CADM2: variants seen among roughly 807,000 people sequenced by gnomAD.
CADM2 encodes cell adhesion molecule 2.
Under a neutral mutation model 49.8 loss-of-function variants are expected in CADM2, and 12 were observed. The observed-to-expected ratio is 0.24, with a 90% CI of 0.15 to 0.39. CADM2 has a LOEUF of 0.39. Among genes scored for constraint, CADM2 ranks in the 10% least tolerant of loss-of-function variants. The pLI is 1.00. For missense variants in CADM2, 378 were observed against 492.3 expected (o/e 0.77, Z 2.20); for synonymous variants, 214 against 175.4 (o/e 1.22, Z -1.74).
At chr3:85,882,025 G>A (rs1712870281) in intron 3 of CADM2, among the ~76,000 whole-genome samples, 1 of 152,132 alleles carries the variant, frequency 6.6e-6, no homozygotes, top group South Asian at 2.1e-4. Flanking sequence ...ACCTCCTGCT[G>A]TGTGACCCAG....
At chr3:85,416,236 T>C (rs1002753103) in intron 1 of CADM2, among the ~76,000 whole-genome samples, 5 of 152,104 alleles carry the variant, frequency 3.3e-5, no homozygotes, top group African/African-American at 1.2e-4. Context: ...GGAGGTAGTC[T>C]ATTTACAGTA....
chr3:85,916,103 G>C (rs1488369623), intron 6 of CADM2, among the ~76,000 whole-genome samples: 3 of 152,044 alleles, frequency 2.0e-5, no homozygotes, highest in African/African-American at 7.2e-5. Flanking sequence ...AAATATATCA[G>C]AGCAATGTTT....
At position 85,744,381 on chromosome 3, in the gene CADM2, C is replaced by T. The variant is rs567603474; in HGVS notation, c.88+17833C>T. On this transcript the variant is annotated intron_variant, in intron 2 of 9. Coordinates refer to ENST00000383699, the MANE Select transcript of CADM2 (RefSeq NM_001167675.2). Reference sequence around the variant, plus strand: ...AAGAGTATACTTGGATTCTTTGTAACACTATGGATAAATGCTTGAGGTGAA... The same window carrying T: ...AAGAGTATACTTGGATTCTTTGTAATACTATGGATAAATGCTTGAGGTGAA... Among the ~76,000 whole-genome samples, 10 of 152,128 alleles carry T rather than the reference C, an allele frequency of 6.6e-5. No homozygotes were observed. In the South Asian group the frequency reaches 2.1e-3, roughly 32 times the overall value.
chr3:85,375,117 C>A (rs1196125157), intron 1 of CADM2, among the ~76,000 whole-genome samples: 1 of 152,164 alleles, frequency 6.6e-6, no homozygotes, highest in Admixed American at 6.5e-5. Flanking sequence ...TTCCTATACA[C>A]TACATAACTA....
At chr3:85,687,078 C>T (rs1219646055) in intron 1 of CADM2, among the ~76,000 whole-genome samples, 3 of 152,072 alleles carry the variant, frequency 2.0e-5, no homozygotes, top group Admixed American at 6.6e-5. Context: ...CTCAGATCTC[C>T]GGGGTTCACA....
intron 1 of CADM2, among the ~76,000 whole-genome samples, chr3:85,157,581 C>T (rs1305685747): frequency 1.3e-5 from 2 of 152,132 alleles, no homozygotes; most frequent in Non-Finnish European, 2.9e-5. Context: ...GAAAAACAAG[C>T]ATTGAGTAAA....
In CADM2 at chr3:85,552,366, G is replaced by GTGTTTTTT. The variant is rs2061828186; in HGVS notation, c.62-174155_62-174154insGTTTTTTT. 4.0e-4 allele frequency among the ~76,000 whole-genome samples: 35 copies of GTGTTTTTT among 87,572 alleles called. 1 individual carries two copies. The highest frequency in any genetic ancestry group is 1.4e-3 in the Admixed American group (10 of 7,096). The allele number at this position is 87,572 out of a possible 152,430, so 57.5% of individuals were successfully genotyped here. ...TAAAATAATTAAATCACTTTGAAAAGTTTTTTTTTTTTTTTTTTTTTTTTT... is the reference window on the plus strand; with the variant it reads ...TAAAATAATTAAATCACTTTGAAAAGTGTTTTTTTTTTTTTTTTTTTTTTTTTTTTTTT... On this transcript the variant is annotated intron_variant, in intron 1 of 9. Transcript: ENST00000383699.
At chr3:85,790,307 A>G (rs530811101) in intron 2 of CADM2, among the ~76,000 whole-genome samples, 2 of 152,204 alleles carry the variant, frequency 1.3e-5, no homozygotes, top group Non-Finnish European at 2.9e-5. Flanking sequence ...AAGTCCTGTC[A>G]TAGACACAGC....
intron 1 of CADM2, among the ~76,000 whole-genome samples, chr3:85,484,678 C>T (rs1252348574): frequency 6.6e-6 from 1 of 151,912 alleles, no homozygotes; most frequent in African/African-American, 2.4e-5. Flanking sequence ...CTTACCGTCA[C>T]AGACCCCAAC....
At chr3:85,570,421 A>G (rs1246917286) in intron 1 of CADM2, among the ~76,000 whole-genome samples, 2 of 152,138 alleles carry the variant, frequency 1.3e-5, no homozygotes, top group African/African-American at 4.8e-5. Context: ...AAAATAATGA[A>G]ACCATTTTTA....
intron 1 of CADM2, among the ~76,000 whole-genome samples, chr3:85,398,454 C>T (rs185952319): frequency 1.5e-4 from 23 of 152,110 alleles, no homozygotes; most frequent in African/African-American, 3.9e-4. Context: ...TGAATAGTGC[C>T]GCAATAAACA....
chr3:84,987,187 C>T (rs1205629282), intron 1 of CADM2, among the ~76,000 whole-genome samples: 1 of 152,006 alleles, frequency 6.6e-6, no homozygotes, highest in Non-Finnish European at 1.5e-5. Context: ...TAGCCTGGCC[C>T]AGGCTGGAGT....
At chr3:85,529,599 A>C (rs1576728730) in intron 1 of CADM2, among the ~76,000 whole-genome samples, 1 of 152,114 alleles carries the variant, frequency 6.6e-6, no homozygotes, top group Non-Finnish European at 1.5e-5. Flanking sequence ...CTCTTCAACG[A>C]TTACTCATTG....
chr3:85,133,262 C>T (rs1021139717), intron 1 of CADM2, among the ~76,000 whole-genome samples: 3 of 152,182 alleles, frequency 2.0e-5, no homozygotes, highest in African/African-American at 7.2e-5. Flanking sequence ...CCACCACTCG[C>T]TCGGGCAGCG....
chr3:85,291,432 A>G (rs1456097752), intron 1 of CADM2, among the ~76,000 whole-genome samples: 3 of 150,164 alleles, frequency 2.0e-5, no homozygotes, highest in African/African-American at 7.6e-5. Context: ...CAGGAAATAC[A>G]GAGAACCCCA....
At chr3:85,904,500 G>A (rs1577618890) in intron 5 of CADM2, among the ~76,000 whole-genome samples, 1 of 152,278 alleles carries the variant, frequency 6.6e-6, no homozygotes, top group East Asian at 1.9e-4. Context: ...GGTTGAATTA[G>A]GGAGAAAGTC....
At chr3:86,014,989 G>A (rs1289568589) in intron 8 of CADM2, 5 of 1,172,138 alleles carry the variant, frequency 4.3e-6, no homozygotes, top group Non-Finnish European at 6.3e-6. Context: ...CAAAGTTCGA[G>A]TAACTTGGCT....
At chr3:85,851,810 A>C (rs185401509) in intron 3 of CADM2, among the ~76,000 whole-genome samples, 1 of 151,998 alleles carries the variant, frequency 6.6e-6, no homozygotes, top group East Asian at 1.9e-4. Context: ...GTATATAAGA[A>C]ATGAAGAAAA....
At chr3:86,045,110 T>C (rs1415652461) in intron 8 of CADM2, among the ~76,000 whole-genome samples, 1 of 151,810 alleles carries the variant, frequency 6.6e-6, no homozygotes, top group Non-Finnish European at 1.5e-5. Flanking sequence ...TAATGTTAAA[T>C]GACCAGTTAA....
Sources: allele counts gnomAD v4.1 joint callset (sites outside exome capture counted in the v4.1 genomes callset), GRCh38; gene constraint gnomAD v4.1.1; transcripts MANE v1.5; gene names NCBI Gene and HGNC (gene_info 2026-07-23, HGNC 2026-07-21).